The following UBP1 variants were observed in gnomAD, a reference collection of about 807,000 sequenced individuals.
UBP1 encodes upstream binding protein 1.
UBP1 carries 22 observed loss-of-function variants against 76.1 expected under a neutral mutation model. The observed-to-expected ratio is 0.29, with a 90% CI of 0.21 to 0.41. The LOEUF is 0.41. UBP1 is among the 10% of genes least tolerant of loss of function. The pLI, the probability that UBP1 is intolerant of heterozygous loss-of-function variation, is 1.00. For synonymous variants in UBP1, 224 were observed against 237.1 expected (o/e 0.94, Z 0.51); for missense variants, 436 against 668.1 (o/e 0.65, Z 3.83).
At chr3:33,408,846 A>G in intron 7 of UBP1, 49 bp from the exon 8 acceptor site, 1 of 1,479,522 alleles carries the variant, frequency 6.8e-7, no homozygotes, top group Non-Finnish European at 9.4e-7. Flanking sequence ...TTATACAAAG[A>G]AAGATCTAAC....
At chr3:33,404,326 C>T (rs2044355072) in intron 8 of UBP1, among the ~76,000 whole-genome samples, 1 of 151,870 alleles carries the variant, frequency 6.6e-6, no homozygotes, top group Non-Finnish European at 1.5e-5. Flanking sequence ...GCAGGAGAAT[C>T]GCTTGAACCT....
In UBP1 at chr3:33,402,924, T is replaced by C. The variant is rs2154056326; in HGVS notation, c.928-20A>G. 6.4e-7 allele frequency: 1 copy of C among 1,566,284 alleles called. No individual in the cohort carries two copies. The highest frequency in any genetic ancestry group is 8.7e-7 in the Non-Finnish European group (1 of 1,146,704). On this transcript the variant is annotated intron_variant, in intron 8 of 15. Coordinates refer to ENST00000283629, the MANE Select transcript of UBP1 (RefSeq NM_014517.5). ...AGAACACTAAGGACAGAAACAGAAA[T>C]AAATTAGTGATATGCTTTTAAAATA... is the stretch of plus-strand genomic sequence containing the variant.
At position 33,389,976 on chromosome 3, in the gene UBP1, T is replaced by G. The variant is rs2043692952; in HGVS notation, c.*355A>C. The stretch of plus-strand genomic sequence containing the variant: ...GGCACAGAAAGGTAAATGCCCACAG[T>G]AAGTTTCTACATTCATTTCCAAACC... On this transcript the variant is annotated 3_prime_UTR_variant, in exon 16 of 16. Coordinates refer to ENST00000283629, the MANE Select transcript of UBP1 (RefSeq NM_014517.5). The G allele has an allele frequency of 4.6e-6, 1 of 219,402 alleles. No individual in the cohort carries two copies. Among genetic ancestry groups the G allele is most frequent in the Non-Finnish European group, 9.1e-6 (1 of 110,452 alleles). 13.6% of individuals were successfully genotyped at this position (219,402 alleles called of 1,614,324 possible). A position where few individuals can be genotyped will look rare whatever the true frequency, so the allele number is the denominator to read the frequency against.
At chr3:33,417,452 GTA>G in intron 2 of UBP1, among the ~76,000 whole-genome samples, 1 of 152,266 alleles carries the variant, frequency 6.6e-6, no homozygotes, top group South Asian at 2.1e-4. Flanking sequence ...CCCATATGTA[GTA>G]TATATCAGTC....
rs1291010549 is a variant in UBP1, at chr3:33,389,384, A to G, written c.*947T>C. The G allele has an allele frequency of 1.3e-5, 2 of 150,958 alleles. No homozygotes were observed. The highest frequency in any genetic ancestry group is 4.9e-5 in the African/African-American group (2 of 40,744). 9.4% of individuals were successfully genotyped at this position (150,958 alleles called of 1,614,324 possible). The stretch of plus-strand genomic sequence containing the variant: ...ATCCCTTAACACCTAGTCAGAAGCT[A>G]TCAACAATAATACTTTCTCCCCCTA... On this transcript the variant is annotated 3_prime_UTR_variant, in exon 16 of 16. Transcript: ENST00000283629.
intron 1 of UBP1, among the ~76,000 whole-genome samples, chr3:33,438,334 C>T (rs1487049502): frequency 1.3e-5 from 2 of 152,198 alleles, no homozygotes; most frequent in African/African-American, 2.4e-5. Flanking sequence ...ACATATTGAA[C>T]TTGCTTCACG....
intron 1 of UBP1, among the ~76,000 whole-genome samples, chr3:33,433,345 G>A (rs1161984342): frequency 7.2e-6 from 1 of 139,734 alleles, no homozygotes. Flanking sequence ...ACAGGTGTGA[G>A]CCACCGCGCA....
Position 33,434,289 on chromosome 3 carries a change from C to CTTTT in UBP1, c.113+5443_113+5446dup, listed in dbSNP as rs371209882. The stretch of plus-strand genomic sequence containing the variant: ...GTAAGGTTTCAGTAGTCAGCAAATC[C>CTTTT]TTTTTTTTTTTTTTTTTTTTTTTTT... On this transcript the variant is annotated intron_variant, in intron 1 of 15. Coordinates refer to ENST00000283629, the MANE Select transcript of UBP1 (RefSeq NM_014517.5). Among the ~76,000 whole-genome samples, 30 of 101,278 alleles carry CTTTT rather than the reference C, an allele frequency of 3.0e-4. No individual in the cohort carries two copies. In the East Asian group the frequency reaches 7.9e-3, roughly 27 times the overall value. The allele number at this position is 101,278 out of a possible 152,430, so 66.4% of individuals were successfully genotyped here. A position where few individuals can be genotyped will look rare whatever the true frequency, so the allele number is the denominator to read the frequency against.
At chr3:33,431,222 TGAA>T (rs1284424646) in intron 1 of UBP1, among the ~76,000 whole-genome samples, 1 of 151,286 alleles carries the variant, frequency 6.6e-6, no homozygotes, top group Non-Finnish European at 1.5e-5. Flanking sequence ...GAGAGGAAAA[TGAA>T]GAAGTTAAGA....
Position 33,440,097 on chromosome 3 carries a change from C to A in UBP1, c.-249G>T, listed in dbSNP as rs1469080531. Reference sequence around the variant, plus strand: ...CACCCTCCCGCGGACACCGGCCCTGCGCCTCATGCCGGCGCCGCCGCCCAG... The same window carrying A: ...CACCCTCCCGCGGACACCGGCCCTGAGCCTCATGCCGGCGCCGCCGCCCAG... On this transcript the variant is annotated 5_prime_UTR_variant, in exon 1 of 16. Coordinates refer to ENST00000283629, the MANE Select transcript of UBP1 (RefSeq NM_014517.5). 3.7e-5 allele frequency: 13 copies of A among 353,774 alleles called. No homozygotes were observed. The highest frequency in any genetic ancestry group is 9.5e-5 in the Admixed American group (2 of 21,006). The allele number at this position is 353,774 out of a possible 1,614,324, so 21.9% of individuals were successfully genotyped here. A position where few individuals can be genotyped will look rare whatever the true frequency, so the allele number is the denominator to read the frequency against.
rs1312709317 is a variant in UBP1 at position 33,407,487 on chromosome 3, G to A, written c.927+1203C>T. Among the ~76,000 whole-genome samples, 4 of 151,912 alleles carry A rather than the reference G, an allele frequency of 2.6e-5. No homozygotes were observed. In the East Asian group the frequency reaches 5.8e-4, roughly 22 times the overall value. On this transcript the variant is annotated intron_variant, in intron 8 of 15. Coordinates refer to ENST00000283629, the MANE Select transcript of UBP1 (RefSeq NM_014517.5). ...GAAGAGGATAAAAACAAAATTGCTG[G>A]GGCGGGTGTTTTAGGAAAGAATATA...
At position 33,402,612 on chromosome 3, in the gene UBP1, G is replaced by A. The variant is rs572212247; in HGVS notation, c.1031+189C>T. Among the ~76,000 whole-genome samples the A allele has an allele frequency of 3.3e-5, 5 of 152,248 alleles. No homozygotes were observed. In the East Asian group the frequency reaches 5.8e-4, roughly 18 times the overall value. On this transcript the variant is annotated intron_variant, in intron 9 of 15. Transcript: ENST00000283629. ...GACTATGTTAAGGCACAAGGGGCTC[G>A]GAGTAAAAAAGGCTGGTAGGTGAAG...
Position 33,428,524 on chromosome 3 carries a change from G to C in UBP1, c.114-2783C>G, listed in dbSNP as rs183934945. Among the ~76,000 whole-genome samples the C allele has an allele frequency of 2.4e-3, 362 of 151,986 alleles. 3 individuals carry two copies. The highest frequency in any genetic ancestry group is 8.2e-3 in the African/African-American group (341 of 41,444). On this transcript the variant is annotated intron_variant, in intron 1 of 15. Transcript: ENST00000283629. ...ACAATTTTATATGCTTCAGATCCTA[G>C]AAGACAACCACTTTTTTATTCACTT...
At chr3:33,412,038 T>C (rs1200524426) in intron 4 of UBP1, among the ~76,000 whole-genome samples, 1 of 151,958 alleles carries the variant, frequency 6.6e-6, no homozygotes, top group East Asian at 1.9e-4. Context: ...AATACAAAAA[T>C]TAGCCAGACG....
At chr3:33,424,987 G>A (rs1175456985) in intron 2 of UBP1, among the ~76,000 whole-genome samples, 1 of 152,090 alleles carries the variant, frequency 6.6e-6, no homozygotes, top group African/African-American at 2.4e-5. Flanking sequence ...GGAGGTTGCA[G>A]TGTGCCGAGA....
At chr3:33,392,332 C>T (rs573731152) in intron 15 of UBP1, 42 of 446,794 alleles carry the variant, frequency 9.4e-5, no homozygotes, top group African/African-American at 7.3e-4. Context: ...CTCAGTAAGA[C>T]GTTGGCTGAA....
chr3:33,437,603 A>G (rs998206167), intron 1 of UBP1, among the ~76,000 whole-genome samples: 1 of 152,208 alleles, frequency 6.6e-6, no homozygotes, highest in Non-Finnish European at 1.5e-5. Flanking sequence ...TACAAAATCA[A>G]TTTGTATCAA....
At chr3:33,434,277 A>G (rs1441072571) in intron 1 of UBP1, among the ~76,000 whole-genome samples, 3 of 146,032 alleles carry the variant, frequency 2.1e-5, no homozygotes, top group Non-Finnish European at 4.5e-5. Context: ...AGGTTTCAGT[A>G]GTCAGCAAAT....
At position 33,408,937 on chromosome 3, in the gene UBP1, A is replaced by T. The variant is rs1404008620; in HGVS notation, c.820-140T>A. On this transcript the variant is annotated intron_variant, in intron 7 of 15. Coordinates refer to ENST00000283629, the MANE Select transcript of UBP1 (RefSeq NM_014517.5). ...AAAGTTAAAAAAAATGCAAAACCCC[A>T]GCAGTGACAAAAATTGGACTTTCTA... 9.9e-6 allele frequency: 9 copies of T among 905,348 alleles called. No individual in the cohort carries two copies. The East Asian group carries it at 2.3e-4, about 24-fold the overall frequency. The allele number at this position is 905,348 out of a possible 1,614,324, so 56.1% of individuals were successfully genotyped here.
Sources: allele counts gnomAD v4.1 joint callset (sites outside exome capture counted in the v4.1 genomes callset), GRCh38; gene constraint gnomAD v4.1.1; transcripts MANE v1.5; gene names NCBI Gene and HGNC (gene_info 2026-07-23, HGNC 2026-07-21).